HIVEP3: variants seen among roughly 807,000 people sequenced by gnomAD.
HIVEP3 encodes HIVEP zinc finger 3, also known as transcription factor HIVEP3.
HIVEP3 carries 49 observed loss-of-function variants against 152.8 expected under a neutral mutation model. That is an observed-to-expected ratio of 0.32 (90% CI 0.26 to 0.41). The LOEUF is 0.41. HIVEP3 is among the 10% of genes least tolerant of loss of function. HIVEP3 has a pLI of 1.00. For synonymous variants in HIVEP3, 1,269 were observed against 1,289.0 expected, an observed-to-expected ratio of 0.98 and a Z score of 0.33; for missense variants, 2,790 against 3,103.3, an observed-to-expected ratio of 0.90 and a Z score of 2.40.
At chr1:41,947,274 G>A (rs1166388749) in intron 1 of HIVEP3, among the ~76,000 whole-genome samples, 1 of 152,192 alleles carries the variant, frequency 6.6e-6, no homozygotes, top group Admixed American at 6.5e-5. Flanking sequence ...GTGCCATCAA[G>A]CCACCCAAGC....
At chr1:41,768,376 A>G (rs1295164911) in intron 1 of HIVEP3, among the ~76,000 whole-genome samples, 3 of 152,202 alleles carry the variant, frequency 2.0e-5, no homozygotes, top group Admixed American at 1.3e-4. Flanking sequence ...CCGTGATTCA[A>G]TTACCTCCCA....
chr1:41,992,260 A>G (rs1159454114), intron 1 of HIVEP3, among the ~76,000 whole-genome samples: 1 of 152,222 alleles, frequency 6.6e-6, no homozygotes, highest in Non-Finnish European at 1.5e-5. Context: ...CCATTGACTC[A>G]GCCCAAAATC....
At chr1:41,839,872 C>G (rs1315679458) in intron 1 of HIVEP3, among the ~76,000 whole-genome samples, 1 of 152,194 alleles carries the variant, frequency 6.6e-6, no homozygotes, top group Non-Finnish European at 1.5e-5. Context: ...TCAAACCCTC[C>G]TTCTCTTATT....
At chr1:41,852,041 A>G (rs561463884) in intron 1 of HIVEP3, among the ~76,000 whole-genome samples, 1 of 152,248 alleles carries the variant, frequency 6.6e-6, no homozygotes, top group Non-Finnish European at 1.5e-5. Context: ...ACTCTCTGTA[A>G]ATAGTAAAAT....
chr1:41,915,356 T>C (rs1644854855), intron 1 of HIVEP3, among the ~76,000 whole-genome samples: 1 of 152,236 alleles, frequency 6.6e-6, no homozygotes, highest in African/African-American at 2.4e-5. Flanking sequence ...CCTTGAATTC[T>C]TGTGCCTTTT....
Position 41,536,868 on chromosome 1 carries a change from C to A in HIVEP3, c.5208-11958G>T, listed in dbSNP as rs186145822. On this transcript the variant is annotated intron_variant, in intron 5 of 8. Coordinates refer to ENST00000372583, the MANE Select transcript of HIVEP3 (RefSeq NM_024503.5). The stretch of plus-strand genomic sequence containing the variant: ...AAACAGTCCCAGAGAGGTTAAATAA[C>A]CTGCCCAAGGTCACACAGCCAGTTA... 1.4e-3 allele frequency among the ~76,000 whole-genome samples: 210 copies of A among 152,288 alleles called. 2 individuals carry two copies. The highest frequency in any genetic ancestry group is 1.6e-4 in the Non-Finnish European group (11 of 68,034).
At chr1:41,785,908 A>G (rs1649320432) in intron 1 of HIVEP3, among the ~76,000 whole-genome samples, 1 of 152,224 alleles carries the variant, frequency 6.6e-6, no homozygotes, top group South Asian at 2.1e-4. Context: ...AGGAAGAAGA[A>G]TCGCTTCAAC....
intron 3 of HIVEP3, among the ~76,000 whole-genome samples, chr1:41,627,911 T>G (rs539739998): frequency 2.5e-4 from 38 of 151,244 alleles, no homozygotes; most frequent in African/African-American, 8.3e-4. Context: ...TTCCTTCCTT[T>G]GTCATACCAG....
intron 1 of HIVEP3, among the ~76,000 whole-genome samples, chr1:42,004,019 G>A (rs1229332878): frequency 2.0e-5 from 3 of 152,134 alleles, no homozygotes; most frequent in African/African-American, 4.8e-5. Context: ...TCATGTTGTA[G>A]GTCACCCCTC....
chr1:41,934,616 G>A (rs766586610), intron 1 of HIVEP3, among the ~76,000 whole-genome samples: 1 of 152,006 alleles, frequency 6.6e-6, no homozygotes, highest in South Asian at 2.1e-4. Context: ...AGTTGGTCAG[G>A]GTAATCACTA....
intron 1 of HIVEP3, among the ~76,000 whole-genome samples, chr1:41,776,401 C>G (rs568291763): frequency 1.3e-5 from 2 of 152,346 alleles, no homozygotes; most frequent in African/African-American, 4.8e-5. Flanking sequence ...GTGTTTTGGG[C>G]AGTGGGGTGT....
intron 2 of HIVEP3, among the ~76,000 whole-genome samples, chr1:41,674,637 A>G (rs1645926855): frequency 6.6e-6 from 1 of 152,178 alleles, no homozygotes; most frequent in Non-Finnish European, 1.5e-5. Flanking sequence ...GCCTATTCAC[A>G]GGTGTCCTTT....
intron 1 of HIVEP3, among the ~76,000 whole-genome samples, chr1:41,727,372 C>A (rs1162021405): frequency 6.6e-6 from 1 of 152,204 alleles, no homozygotes. Context: ...CTGTGCCTGA[C>A]CCCTACCAGC....
At chr1:41,795,876 T>C (rs1469448518) in intron 1 of HIVEP3, among the ~76,000 whole-genome samples, 1 of 152,166 alleles carries the variant, frequency 6.6e-6, no homozygotes, top group Non-Finnish European at 1.5e-5. Context: ...TTTAGGCTCA[T>C]TTTTTTGTGT....
At chr1:41,806,383 C>T (rs1425307160) in intron 1 of HIVEP3, among the ~76,000 whole-genome samples, 1 of 152,236 alleles carries the variant, frequency 6.6e-6, no homozygotes, top group Non-Finnish European at 1.5e-5. Context: ...CCTCTCCCTT[C>T]ACCCCCTCTG....
chr1:41,548,935 A>G (rs1030999834), intron 5 of HIVEP3, among the ~76,000 whole-genome samples: 19 of 152,174 alleles, frequency 1.2e-4, no homozygotes, highest in African/African-American at 4.1e-4. Context: ...GGTTTGTTAC[A>G]TAAGTATACA....
intron 1 of HIVEP3, among the ~76,000 whole-genome samples, chr1:41,787,429 C>A (rs927886542): frequency 6.6e-6 from 1 of 151,896 alleles, no homozygotes; most frequent in Admixed American, 6.5e-5. Flanking sequence ...TCTGGGCATA[C>A]CCCCTCCCTA....
intron 5 of HIVEP3, among the ~76,000 whole-genome samples, chr1:41,527,216 TCACACACTCACCCTCA>T (rs1186893194): frequency 1.3e-5 from 1 of 75,286 alleles, no homozygotes. Context: ...ATGCTCACCC[TCACACACTCACCCTCA>T]CACACTCACC....
intron 1 of HIVEP3, among the ~76,000 whole-genome samples, chr1:41,887,342 T>A (rs536738187): frequency 6.6e-6 from 1 of 152,370 alleles, no homozygotes; most frequent in African/African-American, 2.4e-5. Flanking sequence ...AAATAAATAT[T>A]CACCATGGTA....
Sources: allele counts gnomAD v4.1 joint callset (sites outside exome capture counted in the v4.1 genomes callset), GRCh38; gene constraint gnomAD v4.1.1; transcripts MANE v1.5; gene names NCBI Gene and HGNC (gene_info 2026-07-23, HGNC 2026-07-21).